The following MAD1L1 variants were observed in gnomAD, a reference collection of about 807,000 sequenced individuals.
The protein encoded by MAD1L1 is mitotic spindle assembly checkpoint protein MAD1.
MAD1L1 carries 95 observed loss-of-function variants against 96.9 expected under a neutral mutation model. The observed-to-expected ratio is 0.98, with a 90% CI of 0.83 to 1.16. The LOEUF is 1.16. MAD1L1 is among the 50% of genes most tolerant of loss of function. The probability of loss-of-function intolerance (pLI) is 0.00; values close to 1 mark genes in which losing one functional copy is unlikely to be tolerated. For missense variants in MAD1L1, 1,007 were observed against 954.4 expected, an observed-to-expected ratio of 1.06 and a Z score of -0.73; for synonymous variants, 473 against 396.6, an observed-to-expected ratio of 1.19 and a Z score of -2.29.
At chr7:2,194,306 C>A (rs1440104971) in intron 10 of MAD1L1, among the ~76,000 whole-genome samples, 1 of 152,208 alleles carries the variant, frequency 6.6e-6, no homozygotes, top group African/African-American at 2.4e-5. Context: ...GCCCTGTATC[C>A]TCAGGTAGGA....
Position 1,959,185 on chromosome 7 carries a change from G to C in MAD1L1, c.1506-1466C>G, listed in dbSNP as rs577467029. On this transcript the variant is annotated intron_variant, in intron 15 of 18. Transcript: ENST00000265854. ...AAGAATCGCTTGAACCCAGGGGGTGGAGGCTGCAGTGAGCCAAGATCACCC... is the reference window on the plus strand; with the variant it reads ...AAGAATCGCTTGAACCCAGGGGGTGCAGGCTGCAGTGAGCCAAGATCACCC... 1.3e-4 allele frequency among the ~76,000 whole-genome samples: 20 copies of C among 152,294 alleles called. No individual in the cohort carries two copies. The South Asian group carries it at 4.1e-3, about 32-fold the overall frequency.
chr7:2,118,781 C>T (rs1787839638), intron 11 of MAD1L1, among the ~76,000 whole-genome samples: 1 of 152,196 alleles, frequency 6.6e-6, no homozygotes, highest in South Asian at 2.1e-4. Flanking sequence ...CTAAGCACAT[C>T]CCTCCAAAAG....
intron 11 of MAD1L1, among the ~76,000 whole-genome samples, chr7:2,084,560 G>C (rs1785814476): frequency 6.6e-6 from 1 of 152,248 alleles, no homozygotes; most frequent in African/African-American, 2.4e-5. Flanking sequence ...AGGAAACCCA[G>C]CTCAGTGCGG....
chr7:2,074,746 GCAA>G (rs1435012415), intron 11 of MAD1L1, among the ~76,000 whole-genome samples: 5 of 152,234 alleles, frequency 3.3e-5, no homozygotes, highest in Admixed American at 3.3e-4. Context: ...GAGCTGCGAG[GCAA>G]CAACTCAGTA....
chr7:1,961,673 T>G (rs377439388), intron 15 of MAD1L1, among the ~76,000 whole-genome samples: 1 of 152,262 alleles, frequency 6.6e-6, no homozygotes, highest in Non-Finnish European at 1.5e-5. Context: ...TGATACCTGA[T>G]AGGGTTTGGC....
intron 10 of MAD1L1, among the ~76,000 whole-genome samples, chr7:2,179,384 C>A (rs1473261099): frequency 1.3e-5 from 2 of 151,906 alleles, no homozygotes; most frequent in African/African-American, 4.8e-5. Context: ...AAAAATTAGC[C>A]GGGCATGGTG....
At chr7:2,095,581 G>A (rs1452060965) in intron 11 of MAD1L1, among the ~76,000 whole-genome samples, 2 of 152,236 alleles carry the variant, frequency 1.3e-5, no homozygotes, top group Admixed American at 1.3e-4. Context: ...AGTGCGTGCT[G>A]TGGCTGTTGC....
intron 12 of MAD1L1, among the ~76,000 whole-genome samples, chr7:2,019,409 G>A (rs909744400): frequency 3.9e-5 from 6 of 152,144 alleles, no homozygotes; most frequent in Non-Finnish European, 7.4e-5. Context: ...GAGGACCCAC[G>A]CGGGTCAGAC....
chr7:2,033,069 G>A (rs1173134504), intron 12 of MAD1L1, among the ~76,000 whole-genome samples: 1 of 152,244 alleles, frequency 6.6e-6, no homozygotes, highest in South Asian at 2.1e-4. Flanking sequence ...CCACTGACTG[G>A]CCATGATAAA....
At chr7:2,113,938 A>G (rs533214374) in intron 11 of MAD1L1, among the ~76,000 whole-genome samples, 57 of 152,314 alleles carry the variant, frequency 3.7e-4, no homozygotes, top group Non-Finnish European at 6.2e-4. Context: ...CCTGTCCCAG[A>G]GTGCAGGGCA....
chr7:1,961,063 G>A (rs1779931791), intron 15 of MAD1L1, among the ~76,000 whole-genome samples: 3 of 152,178 alleles, frequency 2.0e-5, no homozygotes, highest in Admixed American at 2.0e-4. Flanking sequence ...AGAAAAACCT[G>A]CACGTGACAA....
intron 16 of MAD1L1, among the ~76,000 whole-genome samples, chr7:1,938,609 A>C (rs912515135): frequency 1.2e-4 from 18 of 152,162 alleles, no homozygotes; most frequent in African/African-American, 4.3e-4. Flanking sequence ...AGAAATAACC[A>C]AGGGCATGTC....
At chr7:2,077,615 G>C (rs1785439638) in intron 11 of MAD1L1, among the ~76,000 whole-genome samples, 1 of 152,256 alleles carries the variant, frequency 6.6e-6, no homozygotes, top group African/African-American at 2.4e-5. Flanking sequence ...GACCCAGCGG[G>C]GAGCAGTGAA....
chr7:1,949,729 C>T (rs751568135), intron 16 of MAD1L1, among the ~76,000 whole-genome samples: 8 of 152,228 alleles, frequency 5.3e-5, no homozygotes, highest in Non-Finnish European at 8.8e-5. Context: ...GGACATCGGT[C>T]CCTTGGACGC....
In MAD1L1 at chr7:2,139,920, C is replaced by A. The variant is rs1030259205; in HGVS notation, c.1073+9232G>T. Among the ~76,000 whole-genome samples, 68 of 152,316 alleles carry A rather than the reference C, an allele frequency of 4.5e-4. 1 individual carries two copies. The highest frequency in any genetic ancestry group is 1.2e-3 in the African/African-American group (51 of 41,556). The stretch of plus-strand genomic sequence containing the variant: ...AAAAATCCATGCTCTAGGCTTCACT[C>A]CACCAAGTAGAGTCTCTTTCCCCCC... On this transcript the variant is annotated intron_variant, in intron 11 of 18. Transcript: ENST00000265854.
chr7:2,134,922 G>C (rs1035004030), intron 11 of MAD1L1, among the ~76,000 whole-genome samples: 2 of 152,186 alleles, frequency 1.3e-5, no homozygotes, highest in East Asian at 3.8e-4. Flanking sequence ...TCAACTGCCC[G>C]GAATGCTGCA....
intron 18 of MAD1L1, among the ~76,000 whole-genome samples, chr7:1,831,864 C>A (rs1276776303): frequency 1.3e-5 from 2 of 152,308 alleles, no homozygotes; most frequent in Non-Finnish European, 2.9e-5. Context: ...GTTGAGACCT[C>A]CTGCTCAGAA....
At position 1,981,329 on chromosome 7, in the gene MAD1L1, G is replaced by A. The variant is rs995534203; in HGVS notation, c.1417-788C>T. On this transcript the variant is annotated intron_variant, in intron 14 of 18. Transcript: ENST00000265854. ...GTGGGAGGCATCAGGGGCAGCAGAC[G>A]GTGGGGAGGCCAGGAGCCAGAACGG... Among the ~76,000 whole-genome samples the A allele has an allele frequency of 3.9e-5, 6 of 152,298 alleles. No homozygotes were observed. The South Asian group carries it at 6.2e-4, about 16-fold the overall frequency.
At chr7:1,878,559 A>G (rs988220808) in intron 18 of MAD1L1, among the ~76,000 whole-genome samples, 1 of 137,060 alleles carries the variant, frequency 7.3e-6, no homozygotes, top group Non-Finnish European at 1.6e-5. Context: ...TCATATGAAC[A>G]TCTCAATAGA....
Sources: allele counts gnomAD v4.1 joint callset (sites outside exome capture counted in the v4.1 genomes callset), GRCh38; gene constraint gnomAD v4.1.1; transcripts MANE v1.5; gene names NCBI Gene and HGNC (gene_info 2026-07-23, HGNC 2026-07-21).